The following FBXO40 variants were observed in gnomAD, a reference collection of about 807,000 sequenced individuals.
FBXO40 encodes the protein F-box protein 40.
In FBXO40, 50 loss-of-function variants were observed where a neutral mutation model predicts 49.9. The ratio of observed to expected loss-of-function variants is 1.00; its 90% confidence interval spans 0.80 to 1.27. The LOEUF (loss-of-function observed/expected upper bound fraction) is 1.27. Among genes scored for constraint, FBXO40 ranks in the 50% most tolerant of loss-of-function variants. FBXO40 has a pLI of 0.00. For missense variants in FBXO40, 895 were observed against 870.1 expected (o/e 1.03, Z -0.36); for synonymous variants, 340 against 320.2 (o/e 1.06, Z -0.66).
Position 121,628,701 on chromosome 3 carries a change from C to T in FBXO40, c.*1791C>T, listed in dbSNP as rs1038612982. On this transcript the variant is annotated 3_prime_UTR_variant, in exon 4 of 4. Coordinates refer to ENST00000338040, the MANE Select transcript of FBXO40 (RefSeq NM_016298.4). ...ATTTTTTAGTACAGCAAAATCTTAT[C>T]GCACATAGCTATCCACAATAGTTAT... 1.1e-4 allele frequency: 17 copies of T among 152,306 alleles called. No homozygotes were observed. The highest frequency in any genetic ancestry group is 2.2e-4 in the African/African-American group (9 of 41,542). The allele number at this position is 152,306 out of a possible 1,614,324, so 9.4% of individuals were successfully genotyped here.
chr3:121,609,840 A>G (rs1246552635), intron 1 of FBXO40, among the ~76,000 whole-genome samples: 2 of 152,264 alleles, frequency 1.3e-5, no homozygotes, highest in East Asian at 3.8e-4. Flanking sequence ...GTACAGCTAT[A>G]GAAGACAGGG....
chr3:121,624,843 C>T (rs908604233), intron 3 of FBXO40, among the ~76,000 whole-genome samples: 5 of 152,060 alleles, frequency 3.3e-5, no homozygotes, highest in African/African-American at 1.2e-4. Flanking sequence ...TCGTGGCTTT[C>T]CTATACCCTG....
chr3:121,597,611 T>G (rs1223458968), intron 1 of FBXO40, among the ~76,000 whole-genome samples: 1 of 151,626 alleles, frequency 6.6e-6, no homozygotes, highest in South Asian at 2.1e-4. Context: ...CACTCCCTAT[T>G]TCATCTCATT....
intron 1 of FBXO40, among the ~76,000 whole-genome samples, chr3:121,616,871 G>A (rs1249557910): frequency 2.0e-5 from 3 of 152,198 alleles, no homozygotes; most frequent in Non-Finnish European, 4.4e-5. Context: ...GACATTAAAA[G>A]GATCCTTGTT....
At chr3:121,601,408 T>C (rs994872291) in intron 1 of FBXO40, among the ~76,000 whole-genome samples, 2 of 131,540 alleles carry the variant, frequency 1.5e-5, no homozygotes, top group African/African-American at 5.7e-5. Flanking sequence ...AATAGCAACA[T>C]GAAAAAAAAA....
intron 1 of FBXO40, among the ~76,000 whole-genome samples, chr3:121,612,120 T>C (rs2108847871): frequency 6.6e-6 from 1 of 152,218 alleles, no homozygotes; most frequent in Admixed American, 6.5e-5. Context: ...AATGTTAGTC[T>C]CTCAAATTCA....
chr3:121,596,307 A>G (rs1216258991), intron 1 of FBXO40, among the ~76,000 whole-genome samples: 5 of 152,230 alleles, frequency 3.3e-5, no homozygotes, highest in African/African-American at 1.2e-4. Flanking sequence ...ATCAAAGCAC[A>G]ATAGAAAAAA....
chr3:121,597,809 C>T (rs2048880463), intron 1 of FBXO40, among the ~76,000 whole-genome samples: 1 of 152,012 alleles, frequency 6.6e-6, no homozygotes, highest in Admixed American at 6.6e-5. Context: ...TTACAGGTGC[C>T]TGACACCACA....
chr3:121,598,198 T>C (rs2048882376), intron 1 of FBXO40, among the ~76,000 whole-genome samples: 1 of 152,136 alleles, frequency 6.6e-6, no homozygotes, highest in African/African-American at 2.4e-5. Context: ...GGCCCTGTGC[T>C]GGAATAAGTG....
intron 1 of FBXO40, among the ~76,000 whole-genome samples, chr3:121,594,453 G>A (rs373393911): frequency 4.6e-5 from 7 of 152,022 alleles, no homozygotes; most frequent in African/African-American, 1.2e-4. Flanking sequence ...CACCCGCTTC[G>A]GCCTCCCAAA....
chr3:121,620,969 G>A (rs1273949834), intron 2 of FBXO40, among the ~76,000 whole-genome samples: 1 of 152,202 alleles, frequency 6.6e-6, no homozygotes, highest in Non-Finnish European at 1.5e-5. Flanking sequence ...TCTGGTGGTA[G>A]TTGATTAAAT....
intron 1 of FBXO40, among the ~76,000 whole-genome samples, chr3:121,600,928 G>A (rs965885169): frequency 6.6e-6 from 1 of 152,176 alleles, no homozygotes; most frequent in African/African-American, 2.4e-5. Context: ...CTGGGCACAG[G>A]AACAGAGAAG....
At chr3:121,610,617 T>A (rs957454793) in intron 1 of FBXO40, among the ~76,000 whole-genome samples, 2 of 152,158 alleles carry the variant, frequency 1.3e-5, no homozygotes, top group African/African-American at 4.8e-5. Flanking sequence ...TGGTTTCTCC[T>A]CTCTAGGTTC....
At chr3:121,608,896 C>T (rs569048557) in intron 1 of FBXO40, among the ~76,000 whole-genome samples, 3 of 152,308 alleles carry the variant, frequency 2.0e-5, no homozygotes, top group East Asian at 3.9e-4. Flanking sequence ...AATGGCTTAT[C>T]CAAGTTGGGG....
intron 1 of FBXO40, among the ~76,000 whole-genome samples, chr3:121,613,717 A>G (rs1308185760): frequency 1.3e-5 from 2 of 152,226 alleles, no homozygotes; most frequent in African/African-American, 4.8e-5. Flanking sequence ...TGGAGAAGTT[A>G]TTGCCCATCT....
intron 1 of FBXO40, among the ~76,000 whole-genome samples, chr3:121,595,636 C>G (rs1353179709): frequency 6.6e-6 from 1 of 152,120 alleles, no homozygotes; most frequent in South Asian, 2.1e-4. Flanking sequence ...ATCGCAGCGT[C>G]GAAGCCAAGG....
chr3:121,605,683 C>T (rs567950666), intron 1 of FBXO40, among the ~76,000 whole-genome samples: 1 of 152,208 alleles, frequency 6.6e-6, no homozygotes, highest in Non-Finnish European at 1.5e-5. Context: ...GTGCAAGAAA[C>T]TTTTCTGTGG....
chr3:121,626,560 T>A (rs1001921407), intron 3 of FBXO40, 135 bp from the exon 4 acceptor site: 12 of 760,880 alleles, frequency 1.6e-5, no homozygotes, highest in Admixed American at 6.5e-5. Context: ...CTACCAAATG[T>A]CTGCAGGAGC....
At chr3:121,600,069 T>C in intron 1 of FBXO40, among the ~76,000 whole-genome samples, 1 of 151,888 alleles carries the variant, frequency 6.6e-6, no homozygotes, top group African/African-American at 2.4e-5. Flanking sequence ...CTTGCTGTGT[T>C]GCCCAGGCTG....
Sources: gnomAD v4.1 joint callset for allele counts (sites outside exome capture counted in the v4.1 genomes callset) on GRCh38, gnomAD v4.1.1 for gene constraint, MANE v1.5 for transcripts, NCBI Gene and HGNC (gene_info 2026-07-23, HGNC 2026-07-21) for gene names.